The following KCNH7 variants were observed in gnomAD, a reference collection of about 807,000 sequenced individuals.
KCNH7 encodes the protein potassium voltage-gated channel subfamily H member 7.
Under a neutral mutation model 120.8 loss-of-function variants are expected in KCNH7, and 49 were observed. That is an observed-to-expected ratio of 0.41 (90% CI 0.32 to 0.51). KCNH7 has a LOEUF of 0.51. Among genes scored for constraint, KCNH7 ranks in the 20% least tolerant of loss-of-function variants. The pLI, the probability that KCNH7 is intolerant of heterozygous loss-of-function variation, is 0.38. For synonymous variants in KCNH7, 547 were observed against 516.1 expected (o/e 1.06, Z -0.81); for missense variants, 1,097 against 1,446.6 (o/e 0.76, Z 3.92).
At chr2:162,822,432 GA>G (rs1685150367) in intron 2 of KCNH7, among the ~76,000 whole-genome samples, 1 of 152,114 alleles carries the variant, frequency 6.6e-6, no homozygotes, top group African/African-American at 2.4e-5. Flanking sequence ...CACTGATGAA[GA>G]AAGTGAGGAC....
intron 7 of KCNH7, among the ~76,000 whole-genome samples, chr2:162,440,399 T>C (rs1182460536): frequency 6.6e-6 from 1 of 152,020 alleles, no homozygotes; most frequent in Non-Finnish European, 1.5e-5. Context: ...AGTAATAAAT[T>C]TCATTACTCC....
At chr2:162,592,052 G>A (rs974096295) in intron 2 of KCNH7, among the ~76,000 whole-genome samples, 3 of 152,020 alleles carry the variant, frequency 2.0e-5, no homozygotes, top group South Asian at 2.1e-4. Context: ...TAAATTGACC[G>A]GAAAAGCGAG....
chr2:162,753,959 T>C (rs528089121), intron 2 of KCNH7, among the ~76,000 whole-genome samples: 1 of 151,988 alleles, frequency 6.6e-6, no homozygotes, highest in Admixed American at 6.5e-5. Flanking sequence ...AATATTATAA[T>C]AAATAACAAT....
intron 2 of KCNH7, among the ~76,000 whole-genome samples, chr2:162,828,975 T>C (rs1040584224): frequency 9.2e-5 from 14 of 152,096 alleles, no homozygotes; most frequent in African/African-American, 3.1e-4. Flanking sequence ...GGAAAAGTCA[T>C]AGAAGACGCC....
chr2:162,410,373 A>G (rs1369195778), intron 9 of KCNH7, among the ~76,000 whole-genome samples: 3 of 152,142 alleles, frequency 2.0e-5, no homozygotes, highest in Admixed American at 6.6e-5. Flanking sequence ...CTGGCTAGCC[A>G]TATGCAGAAG....
At chr2:162,817,046 C>A (rs565639086) in intron 2 of KCNH7, among the ~76,000 whole-genome samples, 1 of 152,236 alleles carries the variant, frequency 6.6e-6, no homozygotes, top group Non-Finnish European at 1.5e-5. Flanking sequence ...AAGAAAAAAT[C>A]TGGCCCTGAA....
chr2:162,418,282 G>T (rs1025048607), intron 9 of KCNH7, among the ~76,000 whole-genome samples: 1 of 151,966 alleles, frequency 6.6e-6, no homozygotes, highest in Non-Finnish European at 1.5e-5. Flanking sequence ...CCTTTTAAAT[G>T]CATGGAGGAT....
At chr2:162,612,040 A>T (rs901251535) in intron 2 of KCNH7, among the ~76,000 whole-genome samples, 1 of 152,240 alleles carries the variant, frequency 6.6e-6, no homozygotes, top group African/African-American at 2.4e-5. Flanking sequence ...TTTCAGCATT[A>T]TGGTATATCA....
chr2:162,788,041 T>C (rs1248142849), intron 2 of KCNH7, among the ~76,000 whole-genome samples: 4 of 152,104 alleles, frequency 2.6e-5, no homozygotes, highest in South Asian at 4.1e-4. Context: ...ATTCTTCAAA[T>C]GATAAGATAC....
chr2:162,592,150 A>C (rs891152054), intron 2 of KCNH7, among the ~76,000 whole-genome samples: 3 of 152,052 alleles, frequency 2.0e-5, no homozygotes, highest in African/African-American at 7.2e-5. Context: ...GGGGTGATTC[A>C]AGTCTCCCAC....
chr2:162,517,331 C>A lies in KCNH7; in HGVS notation c.892+399G>T, dbSNP rs190996159. Among the ~76,000 whole-genome samples, 99 of 151,898 alleles carry A rather than the reference C, an allele frequency of 6.5e-4. 1 individual carries two copies. The East Asian group carries it at 0.012, about 18-fold the overall frequency. On this transcript the variant is annotated intron_variant, in intron 4 of 15. Transcript: ENST00000332142. ...GCTGCTCCCTTTGGAAAGAGTCGGTCAATGAACTAGCCCTCTGATGGCACA... is the reference window on the plus strand; with the variant it reads ...GCTGCTCCCTTTGGAAAGAGTCGGTAAATGAACTAGCCCTCTGATGGCACA...
intron 2 of KCNH7, among the ~76,000 whole-genome samples, chr2:162,716,338 C>G (rs1050624021): frequency 9.2e-5 from 14 of 152,006 alleles, no homozygotes; most frequent in Non-Finnish European, 1.9e-4. Flanking sequence ...GTTATTTATT[C>G]TATAAAAATT....
At chr2:162,432,176 G>T (rs546496420) in intron 8 of KCNH7, among the ~76,000 whole-genome samples, 1 of 152,012 alleles carries the variant, frequency 6.6e-6, no homozygotes, top group East Asian at 1.9e-4. Flanking sequence ...CCCCTATAAA[G>T]TGTTTACTAT....
chr2:162,538,384 C>T (rs1331103447), intron 2 of KCNH7, among the ~76,000 whole-genome samples: 1 of 152,006 alleles, frequency 6.6e-6, no homozygotes, highest in African/African-American at 2.4e-5. Context: ...TCACAACTAG[C>T]TGAGACCACC....
At chr2:162,526,776 G>A (rs147708538) in intron 3 of KCNH7, among the ~76,000 whole-genome samples, 4 of 152,078 alleles carry the variant, frequency 2.6e-5, no homozygotes, top group Non-Finnish European at 4.4e-5. Flanking sequence ...TCATCACAGC[G>A]TCCTAAGCGG....
chr2:162,837,654 T>C (rs1685710389), intron 1 of KCNH7, among the ~76,000 whole-genome samples: 1 of 152,178 alleles, frequency 6.6e-6, no homozygotes, highest in African/African-American at 2.4e-5. Flanking sequence ...AGACCGAAGA[T>C]AAGTTAACAA....
intron 2 of KCNH7, among the ~76,000 whole-genome samples, chr2:162,818,845 G>A (rs756247406): frequency 2.6e-5 from 4 of 151,856 alleles, no homozygotes; most frequent in Non-Finnish European, 4.4e-5. Flanking sequence ...AACATGGCAC[G>A]GCAAGTGACC....
chr2:162,637,002 C>T (rs1405148302), intron 2 of KCNH7, among the ~76,000 whole-genome samples: 1 of 152,112 alleles, frequency 6.6e-6, no homozygotes, highest in East Asian at 1.9e-4. Context: ...TTATAGGAGT[C>T]CCCTTAAAGG....
chr2:162,446,330 G>A lies in KCNH7; in HGVS notation c.1242C>T (p.Ile414=), dbSNP rs771856056. Residue 414 remains isoleucine (I), a synonymous_variant, in exon 7 of 16, where the codon ATC becomes ATT. Transcript: ENST00000332142. ...TAGCAGTGTATATGACCAACAGCAGGATAAGCCAGTCCCAGACTGCCTTGA... is the reference window on the plus strand; with the variant it reads ...TAGCAGTGTATATGACCAACAGCAGAATAAGCCAGTCCCAGACTGCCTTGA... ...SPFKAVWDWL[I]LLLVIYTAIF... 2 of 1,613,828 alleles carry A rather than the reference G, an allele frequency of 1.2e-6. No homozygotes were observed. Among genetic ancestry groups the A allele is most frequent in the Non-Finnish European group, 1.7e-6 (2 of 1,179,818 alleles).
Sources: gnomAD v4.1 joint callset for allele counts (sites outside exome capture counted in the v4.1 genomes callset) on GRCh38, gnomAD v4.1.1 for gene constraint, MANE v1.5 for transcripts, NCBI Gene and HGNC (gene_info 2026-07-23, HGNC 2026-07-21) for gene names.